The following GDF3 variants were observed in gnomAD, a reference collection of about 807,000 sequenced individuals.
GDF3 encodes growth differentiation factor 3, also known as growth/differentiation factor 3.
Under a neutral mutation model 10.2 loss-of-function variants are expected in GDF3, and 10 were observed. That is an observed-to-expected ratio of 0.98 (90% CI 0.60 to 1.66). The LOEUF (loss-of-function observed/expected upper bound fraction) is 1.66, where lower values mean the gene tolerates loss of function less well. Among genes scored for constraint, GDF3 ranks in the 40% most tolerant of loss-of-function variants. The probability of loss-of-function intolerance (pLI) is 0.00; values close to 1 mark genes in which losing one functional copy is unlikely to be tolerated. For synonymous variants in GDF3, 166 were observed against 178.5 expected (o/e 0.93, Z 0.56); for missense variants, 450 against 438.3 (o/e 1.03, Z -0.24).
At position 7,695,548 on chromosome 12, in the gene GDF3, C is replaced by T. The variant is rs142236459; in HGVS notation, c.181G>A (p.Ala61Thr). 4.3e-6 allele frequency: 7 copies of T among 1,613,964 alleles called. No homozygotes were observed. Among genetic ancestry groups the T allele is most frequent in the Admixed American group, 3.3e-5 (2 of 59,996 alleles). ...LKKIFQDREAAATTGVSRDLC... is the reference protein window; with the variant it reads ...LKKIFQDREATATTGVSRDLC... ...TCTCGGGAGACCCCAGTGGTCGCTG[C>T]TGCCTCGCGATCCTGGAAAATTTTC... Residue 61 changes from alanine (A) to threonine (T), a missense_variant, in exon 1 of 2, where the codon GCA becomes ACA. By Grantham distance (58) the Ala-to-Thr change is moderately conservative. Coordinates refer to ENST00000329913, the MANE Select transcript of GDF3 (RefSeq NM_020634.3).
At chr12:7,695,240 A>G (rs1359312454) in intron 1 of GDF3, among the ~76,000 whole-genome samples, 2 of 152,198 alleles carry the variant, frequency 1.3e-5, no homozygotes, top group Non-Finnish European at 2.9e-5. Flanking sequence ...ATGATCTTGA[A>G]TAGATTACAG....
rs776153306 is a variant in GDF3 at position 7,690,091 on chromosome 12, A to G, written c.882T>C (p.His294=). 1.2e-6 allele frequency: 2 copies of G among 1,614,156 alleles called. No homozygotes were observed. Among genetic ancestry groups the G allele is most frequent in the Non-Finnish European group, 1.7e-6 (2 of 1,180,016 alleles). The change falls in exon 2 of 2, where the codon CAT becomes CAC. Residue 294 remains histidine (H), a synonymous_variant. Transcript: ENST00000329913. ...APKGFMANYC[H]GECPFSLTIS... ...TGGTCAGTGAGAAGGGACACTCTCC[A>G]TGGCAGTAATTTGCCATGAACCCCT...
intron 1 of GDF3, among the ~76,000 whole-genome samples, 171 bp from the exon 2 acceptor site, chr12:7,690,875 G>C (rs1384257312): frequency 1.3e-5 from 2 of 152,120 alleles, no homozygotes; most frequent in Non-Finnish European, 2.9e-5. Context: ...AGGGTCCCCA[G>C]GTGCGGCGGC....
chr12:7,691,837 C>G (rs1188732437), intron 1 of GDF3, among the ~76,000 whole-genome samples: 1 of 150,774 alleles, frequency 6.6e-6, no homozygotes, highest in South Asian at 2.1e-4. Context: ...AAAACCCCAT[C>G]TCTACTAAAA....
At chr12:7,691,072 C>T (rs560562882) in intron 1 of GDF3, among the ~76,000 whole-genome samples, 4 of 151,602 alleles carry the variant, frequency 2.6e-5, no homozygotes, top group African/African-American at 4.9e-5. Flanking sequence ...ATGGCGTGAA[C>T]CCGGGAGGCG....
intron 1 of GDF3, among the ~76,000 whole-genome samples, chr12:7,693,634 CTCAAGCATCAT>C (rs2136878313): frequency 6.6e-6 from 1 of 151,932 alleles, no homozygotes; most frequent in Non-Finnish European, 1.5e-5. Flanking sequence ...CCTCTTCATT[CTCAAGCATCAT>C]TCAAAACCTA....
chr12:7,690,775 T>C, intron 1 of GDF3, 71 bp from the exon 2 acceptor site: 3 of 878,406 alleles, frequency 3.4e-6, no homozygotes, highest in South Asian at 1.4e-5. Context: ...ATAATAGAAA[T>C]GCCAGACACC....
chr12:7,691,565 G>T (rs1429897360), intron 1 of GDF3, among the ~76,000 whole-genome samples: 2 of 145,598 alleles, frequency 1.4e-5, no homozygotes, highest in Admixed American at 1.4e-4. Flanking sequence ...ATAAATAAAA[G>T]AAAAGAAAAA....
chr12:7,695,050 A>C (rs918242365), intron 1 of GDF3, among the ~76,000 whole-genome samples: 4 of 152,140 alleles, frequency 2.6e-5, no homozygotes, highest in Non-Finnish European at 5.9e-5. Context: ...CCAACCTCAA[A>C]ATTTTCATAC....
At chr12:7,693,846 G>A (rs765147171) in intron 1 of GDF3, among the ~76,000 whole-genome samples, 24 of 152,044 alleles carry the variant, frequency 1.6e-4, no homozygotes, top group African/African-American at 5.5e-4. Context: ...TACTCTACTC[G>A]GCAGGCTGAG....
At chr12:7,693,266 G>A (rs1438802107) in intron 1 of GDF3, among the ~76,000 whole-genome samples, 3 of 151,566 alleles carry the variant, frequency 2.0e-5, no homozygotes, top group Non-Finnish European at 2.9e-5. Flanking sequence ...GCAGTGGTGC[G>A]ATCTTGGCTC....
chr12:7,690,344 C>T lies in GDF3; in HGVS notation c.629G>A (p.Arg210Lys), dbSNP rs758931622. 17 of 1,614,070 alleles carry T rather than the reference C, an allele frequency of 1.1e-5. No individual in the cohort carries two copies. Among genetic ancestry groups the T allele is most frequent in the South Asian group, 3.3e-5 (3 of 91,072 alleles). The change falls in exon 2 of 2, where the codon AGA becomes AAA. Residue 210 changes from arginine (R) to lysine (K), a missense_variant. Coordinates refer to ENST00000329913, the MANE Select transcript of GDF3 (RefSeq NM_020634.3). ...LFLEILVKEDRDSGVNFQPED... is the reference protein window; with the variant it reads ...LFLEILVKEDKDSGVNFQPED... ...AGGCTGAAAATTCACCCCTGAGTCT[C>T]TATCTTCTTTGACCAGTATCTCCAG...
At chr12:7,695,170 G>C (rs1217275877) in intron 1 of GDF3, among the ~76,000 whole-genome samples, 1 of 152,102 alleles carries the variant, frequency 6.6e-6, no homozygotes, top group Non-Finnish European at 1.5e-5. Flanking sequence ...GCACAAAGCA[G>C]TTGATTCAGA....
chr12:7,695,629 C>T lies in GDF3; in HGVS notation c.100G>A (p.Gly34Ser). The T allele has an allele frequency of 6.2e-7, 1 of 1,614,074 alleles. No individual in the cohort carries two copies. The highest frequency in any genetic ancestry group is 8.5e-7 in the Non-Finnish European group (1 of 1,179,998). ...FQEYVFLQFLGLDKAPSPQKF... is the reference protein window; with the variant it reads ...FQEYVFLQFLSLDKAPSPQKF... ...TGGGGTGAAGGCGCCTTATCTAAGC[C>T]CAGAAATTGGAGAAAGACATATTCT... Residue 34 changes from glycine to serine, a missense_variant, in exon 1 of 2, where the codon GGC (glycine) becomes AGC (serine). By Grantham distance (56) the Gly-to-Ser change is moderately conservative. Coordinates refer to ENST00000329913, the MANE Select transcript of GDF3 (RefSeq NM_020634.3).
At chr12:7,693,123 C>T (rs1051920723) in intron 1 of GDF3, among the ~76,000 whole-genome samples, 1 of 152,146 alleles carries the variant, frequency 6.6e-6, no homozygotes, top group African/African-American at 2.4e-5. Flanking sequence ...TCAATTTCTC[C>T]CTTTTCACAA....
intron 1 of GDF3, among the ~76,000 whole-genome samples, chr12:7,693,351 C>T (rs1343539158): frequency 6.6e-6 from 1 of 150,486 alleles, no homozygotes. Flanking sequence ...ATTACAGGCG[C>T]CCGCCACCAC....
Position 7,690,667 on chromosome 12 carries a change from G to A in GDF3, c.306C>T (p.Ser102=), listed in dbSNP as rs574345420. The A allele has an allele frequency of 2.9e-4, 465 of 1,613,030 alleles. 8 individuals carry two copies. In the South Asian group the frequency reaches 4.9e-3, roughly 17 times the overall value. The change falls in exon 2 of 2, where the codon TCC becomes TCT. Residue 102 remains serine, a synonymous_variant. Transcript: ENST00000329913. Reference sequence around the variant, plus strand: ...AGTAGAGGAGCTTCTGCAGGCAGGAGGAAGCTTGGGAAATTTTCTTTGGGT... The same window carrying A: ...AGTAGAGGAGCTTCTGCAGGCAGGAAGAAGCTTGGGAAATTTTCTTTGGGT... ...FLYPKKISQA[S]SCLQKLLYFN... is the part of the protein sequence containing the mutation.
At position 7,690,001 on chromosome 12, in the gene GDF3, GATCTCTGGGTCAACGGCATGC is replaced by G; in HGVS notation, c.951_971del (p.Met317_Glu323del). 2 of 1,613,796 alleles carry G rather than the reference GATCTCTGGGTCAACGGCATGC, an allele frequency of 1.2e-6. No homozygotes were observed. Among genetic ancestry groups the G allele is most frequent in the Non-Finnish European group, 1.7e-6 (2 of 1,179,712 alleles). On this transcript the variant is annotated inframe_deletion, in exon 2 of 2. Transcript: ENST00000329913. ...TGGTGGGGATACACACAGCCTGGGG[GATCTCTGGGTCAACGGCATGC>G]ATCAGGGCTTGCATGAAAGCATAAT...
chr12:7,690,815 C>T, intron 1 of GDF3, 111 bp from the exon 2 acceptor site: 1 of 701,418 alleles, frequency 1.4e-6, no homozygotes, highest in Admixed American at 2.5e-5. Flanking sequence ...CAGGGAAAGA[C>T]ACAAGCCCTG....
Sources: gnomAD v4.1 joint callset for allele counts (sites outside exome capture counted in the v4.1 genomes callset) on GRCh38, gnomAD v4.1.1 for gene constraint, MANE v1.5 for transcripts, NCBI Gene and HGNC (gene_info 2026-07-23, HGNC 2026-07-21) for gene names.